LONRF2: variants seen among roughly 807,000 people sequenced by gnomAD.
LONRF2 encodes LON peptidase N-terminal domain and ring finger 2, also known as LON peptidase N-terminal domain and RING finger protein 2.
Under a neutral mutation model 66.6 loss-of-function variants are expected in LONRF2, and 35 were observed. That is an observed-to-expected ratio of 0.53 (90% CI 0.40 to 0.70). The LOEUF is 0.70. Among genes scored for constraint, LONRF2 ranks in the 30% least tolerant of loss-of-function variants. The pLI, the probability that LONRF2 is intolerant of heterozygous loss-of-function variation, is 0.00. For synonymous variants in LONRF2, 417 were observed against 418.1 expected, an observed-to-expected ratio of 1.00 and a Z score of 0.03; for missense variants, 902 against 1,002.1, an observed-to-expected ratio of 0.90 and a Z score of 1.35.
rs1675619103 is a variant in LONRF2 at position 100,321,365 on chromosome 2, C to G, written c.679+50G>C. Reference sequence around the variant, plus strand: ...CACCGGCCAGCTCCCCACCCCGCTGCTGGGCCGGACAGGTGTAGGGGAGGC... The same window carrying G: ...CACCGGCCAGCTCCCCACCCCGCTGGTGGGCCGGACAGGTGTAGGGGAGGC... On this transcript the variant is annotated intron_variant, in intron 1 of 11. Coordinates refer to ENST00000393437, the MANE Select transcript of LONRF2 (RefSeq NM_198461.4). 5.9e-6 allele frequency: 8 copies of G among 1,356,660 alleles called. No homozygotes were observed. The South Asian group carries it at 1.4e-4, about 23-fold the overall frequency. The allele number at this position is 1,356,660 out of a possible 1,614,324, so 84.0% of individuals were successfully genotyped here. A position where few individuals can be genotyped will look rare whatever the true frequency, so the allele number is the denominator to read the frequency against.
rs1675139057 is a variant in LONRF2, at chr2:100,299,700, G to A, written c.1267+17C>T. The A allele has an allele frequency of 2.5e-6, 4 of 1,608,734 alleles. No individual in the cohort carries two copies. Among genetic ancestry groups the A allele is most frequent in the Non-Finnish European group, 3.4e-6 (4 of 1,175,656 alleles). ...CTTTGGAGTCACAGAACTGCCTGAT[G>A]AAAACAGTTCACTGACCTTTCTTGG... On this transcript the variant is annotated intron_variant, in intron 5 of 11. Coordinates refer to ENST00000393437, the MANE Select transcript of LONRF2 (RefSeq NM_198461.4).
intron 2 of LONRF2, among the ~76,000 whole-genome samples, chr2:100,306,716 C>T (rs1370628903): frequency 1.3e-5 from 2 of 152,146 alleles, no homozygotes; most frequent in Non-Finnish European, 2.9e-5. Flanking sequence ...AGAAGTGCTT[C>T]TCAAAGTGCT....
At chr2:100,316,189 G>T (rs1675501829) in intron 1 of LONRF2, among the ~76,000 whole-genome samples, 1 of 151,736 alleles carries the variant, frequency 6.6e-6, no homozygotes, top group Non-Finnish European at 1.5e-5. Context: ...CGTTGTGGCA[G>T]GTGCCTGTAG....
chr2:100,307,179 G>A (rs10170109), intron 2 of LONRF2, among the ~76,000 whole-genome samples: 2 of 151,952 alleles, frequency 1.3e-5, no homozygotes, highest in South Asian at 4.2e-4. Flanking sequence ...CTCGGCCTCC[G>A]AAAGTGCTGG....
intron 1 of LONRF2, among the ~76,000 whole-genome samples, chr2:100,318,642 C>T (rs1675557843): frequency 6.7e-6 from 1 of 150,160 alleles, no homozygotes; most frequent in Non-Finnish European, 1.5e-5. Context: ...GCCCGGACAA[C>T]ATAGTGAAAC....
Position 100,321,493 on chromosome 2 carries a change from C to A in LONRF2, c.601G>T (p.Ala201Ser). ...CGCTGCAGGCTCCGCGCCTGGCCTGCCAGCCTGCGCAGCCGGCACTCGGCC... is the reference window on the plus strand; with the variant it reads ...CGCTGCAGGCTCCGCGCCTGGCCTGACAGCCTGCGCAGCCGGCACTCGGCC... ...FPAECRLRRLAGQARSLQRQQ... is the reference protein window; with the variant it reads ...FPAECRLRRLSGQARSLQRQQ... The change falls in exon 1 of 12, where the codon GCA (alanine) becomes TCA (serine). Residue 201 changes from alanine to serine, a missense_variant. This residue lies in a region of LONRF2 where 585 missense variants were observed against 569.9 expected (regional missense o/e 1.03). Transcript: ENST00000393437. The A allele has an allele frequency of 6.5e-7, 1 of 1,533,320 alleles. No homozygotes were observed. The allele number at this position is 1,533,320 out of a possible 1,614,324, so 95.0% of individuals were successfully genotyped here.
At position 100,302,954 on chromosome 2, in the gene LONRF2, A is replaced by G. The variant is rs1313392632; in HGVS notation, c.888T>C (p.Pro296=). The G allele has an allele frequency of 6.2e-7, 1 of 1,610,402 alleles. No homozygotes were observed. The highest frequency in any genetic ancestry group is 8.5e-7 in the Non-Finnish European group (1 of 1,178,102). ...KEFLYCLALN[P]ECNSVKKEAQ... ...CTTCTTTCTTCACAGAGTTACATTC[A>G]GGATTCAGAGCAAGGCAGTAGAGAA... The change falls in exon 3 of 12, where the codon CCT becomes CCC. Residue 296 remains proline (P), a synonymous_variant. Coordinates refer to ENST00000393437, the MANE Select transcript of LONRF2 (RefSeq NM_198461.4).
At chr2:100,300,571 GTA>G in intron 4 of LONRF2, 71 bp downstream of exon 4, 1 of 1,424,978 alleles carries the variant, frequency 7.0e-7, no homozygotes, top group Non-Finnish European at 9.5e-7. Flanking sequence ...TGAATAATCT[GTA>G]AACTGTTTAA....
chr2:100,281,955 C>A lies in LONRF2; in HGVS notation c.*2343G>T, dbSNP rs1045778114. The A allele has an allele frequency of 1.3e-5, 2 of 151,734 alleles. No homozygotes were observed. The highest frequency in any genetic ancestry group is 2.9e-5 in the Non-Finnish European group (2 of 67,966). 9.4% of individuals were successfully genotyped at this position (151,734 alleles called of 1,614,324 possible). A position where few individuals can be genotyped will look rare whatever the true frequency, so the allele number is the denominator to read the frequency against. Reference sequence around the variant, plus strand: ...ACCGTAGGATGCTGTCACCCTGACCCGGTTCCTGATGCGTGATGTTTCTAA... The same window carrying A: ...ACCGTAGGATGCTGTCACCCTGACCAGGTTCCTGATGCGTGATGTTTCTAA... On this transcript the variant is annotated 3_prime_UTR_variant, in exon 12 of 12. Coordinates refer to ENST00000393437, the MANE Select transcript of LONRF2 (RefSeq NM_198461.4).
rs1028832529 is a variant in LONRF2 at position 100,300,770 on chromosome 2, C to T, written c.939G>A (p.Leu313=). ...CATGCACATTTGCTGTAGCTGAAAACAGCACTTCACACATTACCTATAAAA... is the reference window on the plus strand; with the variant it reads ...CATGCACATTTGCTGTAGCTGAAAATAGCACTTCACACATTACCTATAAAA... ...KEAQKVMCEV[L]FSATANVHEN... The change falls in exon 4 of 12, where the codon CTG becomes CTA. Residue 313 remains leucine, a synonymous_variant. Coordinates refer to ENST00000393437, the MANE Select transcript of LONRF2 (RefSeq NM_198461.4). The T allele has an allele frequency of 6.2e-7, 1 of 1,605,270 alleles. No homozygotes were observed. The highest frequency in any genetic ancestry group is 1.7e-5 in the Admixed American group (1 of 57,474).
intron 1 of LONRF2, among the ~76,000 whole-genome samples, chr2:100,311,540 T>C (rs1675409057): frequency 6.6e-6 from 1 of 152,156 alleles, no homozygotes; most frequent in Non-Finnish European, 1.5e-5. Flanking sequence ...GAATGTCATG[T>C]GCAATTCACT....
chr2:100,290,358 G>C lies in LONRF2; in HGVS notation c.1820C>G (p.Ser607Cys). Residue 607 changes from serine to cysteine, a missense_variant, in exon 10 of 12, where the codon TCT (serine) becomes TGT (cysteine). This residue lies in a region of LONRF2 where 317 missense variants were observed against 432.2 expected (regional missense o/e 0.73). Coordinates refer to ENST00000393437, the MANE Select transcript of LONRF2 (RefSeq NM_198461.4). ...KDVRTFPDGS[S>C]VVDAIGISRF... ...ACTGATGCCAATCGCGTCTACAACA[G>C]AACTTCCATCAGGAAACGTTCTCAC... is the stretch of plus-strand genomic sequence containing the variant. 6.2e-7 allele frequency: 1 copy of C among 1,614,136 alleles called. No homozygotes were observed.
rs917621859 is a variant in LONRF2 at position 100,309,183 on chromosome 2, T to G, written c.722A>C (p.Tyr241Ser). ...NSLLLLRAEL[Y>S]LTMKNYEQAL... ...TTGCTCATAGTTCTTCATGGTCAAATATAACTCCGCCCGCAGCAGCAATAA... is the reference window on the plus strand; with the variant it reads ...TTGCTCATAGTTCTTCATGGTCAAAGATAACTCCGCCCGCAGCAGCAATAA... The change falls in exon 2 of 12, where the codon TAT becomes TCT. Residue 241 changes from tyrosine (Y) to serine (S), a missense_variant. Tyr to Ser is a moderately radical substitution (Grantham distance 144, BLOSUM62 -2). This residue lies in a region of LONRF2 where 585 missense variants were observed against 569.9 expected (regional missense o/e 1.03). Transcript: ENST00000393437. The G allele has an allele frequency of 6.2e-7, 1 of 1,609,592 alleles. No individual in the cohort carries two copies. Among genetic ancestry groups the G allele is most frequent in the African/African-American group, 1.3e-5 (1 of 74,878 alleles).
chr2:100,286,792 T>C (rs1172474749), intron 11 of LONRF2, 122 bp downstream of exon 11: 3 of 1,134,196 alleles, frequency 2.6e-6, no homozygotes, highest in Non-Finnish European at 3.7e-6. Context: ...GTAGATGAAC[T>C]GGTTCATAAG....
chr2:100,291,138 C>A (rs1674951878), intron 9 of LONRF2, among the ~76,000 whole-genome samples: 5 of 152,044 alleles, frequency 3.3e-5, no homozygotes, highest in African/African-American at 9.6e-5. Flanking sequence ...TAGGCAGAAC[C>A]CAGGAAGAGA....
In LONRF2 at chr2:100,299,260, C is replaced by T; in HGVS notation, c.1327G>A (p.Asp443Asn). The T allele has an allele frequency of 6.3e-7, 1 of 1,594,300 alleles. No homozygotes were observed. Among genetic ancestry groups the T allele is most frequent in the Non-Finnish European group, 8.6e-7 (1 of 1,168,340 alleles). ...AGGGCACACTCAAAGTCAGTTACATCAAGCGAGAGCCCCTGACTTTCTTCT... is the reference window on the plus strand; with the variant it reads ...AGGGCACACTCAAAGTCAGTTACATTAAGCGAGAGCCCCTGACTTTCTTCT... ...ETEESQGLSL[D>N]VTDFECALCM... is the part of the protein sequence containing the mutation. The change falls in exon 6 of 12, where the codon GAT becomes AAT. Residue 443 changes from aspartate to asparagine, a missense_variant. By Grantham distance (23) the Asp-to-Asn change is conservative (BLOSUM62 1). Coordinates refer to ENST00000393437, the MANE Select transcript of LONRF2 (RefSeq NM_198461.4).
chr2:100,301,916 T>C (rs6542927), intron 3 of LONRF2, among the ~76,000 whole-genome samples: 7,964 of 152,316 alleles, frequency 0.052, 713 homozygotes, highest in African/African-American at 0.18. Context: ...GTTGAAATGA[T>C]GGCCAAAAAC....
intron 3 of LONRF2, 68 bp from the exon 4 acceptor site, chr2:100,300,855 T>C: frequency 7.9e-7 from 1 of 1,270,074 alleles, no homozygotes; most frequent in Non-Finnish European, 1.0e-6. Flanking sequence ...TAGTATGTCT[T>C]ATAGATTCAG....
chr2:100,302,124 C>T (rs1489137583), intron 3 of LONRF2, among the ~76,000 whole-genome samples: 1 of 152,150 alleles, frequency 6.6e-6, no homozygotes, highest in Non-Finnish European at 1.5e-5. Context: ...CTGTGGCTGT[C>T]AAATGTAGAT....
Sources: gnomAD v4.1 joint callset for allele counts (sites outside exome capture counted in the v4.1 genomes callset) on GRCh38, gnomAD v4.1.1 for gene constraint, gnomAD v4.1.1 regional missense constraint, MANE v1.5 for transcripts, NCBI Gene and HGNC (gene_info 2026-07-23, HGNC 2026-07-21) for gene names.